The following DLGAP2 variants were observed in gnomAD, a reference collection of about 807,000 sequenced individuals.
The protein encoded by DLGAP2 is disks large-associated protein 2.
In DLGAP2, 26 loss-of-function variants were observed where a neutral mutation model predicts 100.3. The observed-to-expected ratio is 0.26, with a 90% CI of 0.19 to 0.36. DLGAP2 has a LOEUF of 0.36. Among genes scored for constraint, DLGAP2 ranks in the 10% least tolerant of loss-of-function variants. The probability of loss-of-function intolerance (pLI) is 1.00; values close to 1 mark genes in which losing one functional copy is unlikely to be tolerated. For missense variants in DLGAP2, 1,858 were observed against 1,453.2 expected, an observed-to-expected ratio of 1.28 and a Z score of -4.53; for synonymous variants, 886 against 630.1, an observed-to-expected ratio of 1.41 and a Z score of -6.08.
At chr8:764,433 G>T (rs913825243) in intron 1 of DLGAP2, among the ~76,000 whole-genome samples, 1 of 152,064 alleles carries the variant, frequency 6.6e-6, no homozygotes, top group Non-Finnish European at 1.5e-5. Context: ...TATATACTTT[G>T]TCACTTCGCT....
At chr8:1,494,452 G>A (rs1390228718) in intron 3 of DLGAP2, among the ~76,000 whole-genome samples, 1 of 152,192 alleles carries the variant, frequency 6.6e-6, no homozygotes, top group African/African-American at 2.4e-5. Context: ...GGCCACTTGG[G>A]CAGGTGCGGT....
chr8:1,063,954 G>T (rs1014574826), intron 2 of DLGAP2, among the ~76,000 whole-genome samples: 35 of 152,246 alleles, frequency 2.3e-4, no homozygotes, highest in African/African-American at 7.7e-4. Context: ...GCTGGCCTCC[G>T]CAGCCAGGGT....
chr8:995,533 C>G (rs566287488), intron 2 of DLGAP2, among the ~76,000 whole-genome samples: 1 of 152,254 alleles, frequency 6.6e-6, no homozygotes, highest in South Asian at 2.1e-4. Context: ...ATATGCATAA[C>G]CATAGCCCTT....
chr8:982,846 A>G (rs148039219), intron 2 of DLGAP2, among the ~76,000 whole-genome samples: 1,772 of 131,610 alleles, frequency 0.013, 9 homozygotes, highest in Non-Finnish European at 0.02. Context: ...TTCATTTTTT[A>G]TCTGCTTTAA....
chr8:1,470,355 G>T (rs1197628552), intron 3 of DLGAP2, among the ~76,000 whole-genome samples: 2 of 152,158 alleles, frequency 1.3e-5, no homozygotes, highest in Non-Finnish European at 2.9e-5. Context: ...GAGCCCCGCT[G>T]GTTCCTTACA....
At chr8:1,623,732 C>G (rs1797417419) in intron 6 of DLGAP2, among the ~76,000 whole-genome samples, 1 of 152,230 alleles carries the variant, frequency 6.6e-6, no homozygotes, top group Non-Finnish European at 1.5e-5. Flanking sequence ...ATGCTGCATT[C>G]ATAGGAGGAA....
chr8:1,261,288 A>T (rs145423713), intron 3 of DLGAP2, among the ~76,000 whole-genome samples: 3 of 150,844 alleles, frequency 2.0e-5, no homozygotes, highest in African/African-American at 7.3e-5. Flanking sequence ...CAGATTCCAG[A>T]TATATAAAAT....
At chr8:1,075,566 A>G (rs967812000) in intron 2 of DLGAP2, among the ~76,000 whole-genome samples, 1 of 152,170 alleles carries the variant, frequency 6.6e-6, no homozygotes, top group Admixed American at 6.5e-5. Context: ...AAAGCTCTGC[A>G]CACAAGTGAA....
At chr8:1,537,985 G>C (rs948807114) in intron 4 of DLGAP2, among the ~76,000 whole-genome samples, 9 of 152,124 alleles carry the variant, frequency 5.9e-5, no homozygotes, top group African/African-American at 2.4e-5. Flanking sequence ...AGATACTGCG[G>C]GGGGAACAGA....
intron 3 of DLGAP2, among the ~76,000 whole-genome samples, chr8:1,355,263 G>T (rs1350377684): frequency 1.3e-5 from 2 of 152,276 alleles, no homozygotes; most frequent in Non-Finnish European, 2.9e-5. Flanking sequence ...CACAGGCAGA[G>T]AGCACCTGTG....
intron 2 of DLGAP2, among the ~76,000 whole-genome samples, chr8:1,067,837 C>G (rs939514451): frequency 6.6e-6 from 1 of 151,948 alleles, no homozygotes; most frequent in African/African-American, 2.4e-5. Context: ...TTCACCTCGG[C>G]TCACTCTTGG....
intron 2 of DLGAP2, among the ~76,000 whole-genome samples, chr8:938,595 A>G (rs1307252373): frequency 6.6e-6 from 1 of 152,198 alleles, no homozygotes; most frequent in Non-Finnish European, 1.5e-5. Context: ...GCAGTTCCTT[A>G]TTCCTGACTG....
At chr8:753,411 A>T (rs542068241) in intron 1 of DLGAP2, 1 of 152,342 alleles carries the variant, frequency 6.6e-6, no homozygotes, top group South Asian at 2.1e-4. Context: ...TAGGAAGAAT[A>T]AGGGCCTTGA....
chr8:892,003 G>A (rs1428590362), intron 1 of DLGAP2, among the ~76,000 whole-genome samples: 1 of 152,244 alleles, frequency 6.6e-6, no homozygotes, highest in Non-Finnish European at 1.5e-5. Flanking sequence ...TCAGTGCCGA[G>A]AAAGCCCCTT....
chr8:1,607,236 A>G (rs1211677236), intron 6 of DLGAP2, among the ~76,000 whole-genome samples: 1 of 152,214 alleles, frequency 6.6e-6, no homozygotes, highest in Non-Finnish European at 1.5e-5. Flanking sequence ...AATCTGACTT[A>G]TATTCTTTAA....
chr8:1,547,895 G>A (rs1024773017), intron 4 of DLGAP2, among the ~76,000 whole-genome samples: 8 of 152,286 alleles, frequency 5.3e-5, no homozygotes, highest in Admixed American at 1.3e-4. Context: ...ACGATTTCAC[G>A]ATTAATACCT....
chr8:958,389 C>G (rs1442033880), intron 2 of DLGAP2, among the ~76,000 whole-genome samples: 1 of 152,090 alleles, frequency 6.6e-6, no homozygotes, highest in Admixed American at 6.5e-5. Context: ...TCCCAGTCTT[C>G]CCCTCCGTTG....
chr8:1,410,062 A>G (rs936697269), intron 3 of DLGAP2, among the ~76,000 whole-genome samples: 16 of 152,112 alleles, frequency 1.1e-4, no homozygotes, highest in African/African-American at 2.2e-4. Context: ...TAACTGAGAA[A>G]TGGTGTCAGG....
intron 5 of DLGAP2, among the ~76,000 whole-genome samples, chr8:1,564,172 G>A (rs1802301660): frequency 6.6e-6 from 1 of 152,150 alleles, no homozygotes; most frequent in Non-Finnish European, 1.5e-5. Context: ...GACCTATGGA[G>A]TGAACTTTAC....
Sources: allele counts gnomAD v4.1 joint callset (sites outside exome capture counted in the v4.1 genomes callset), GRCh38; gene constraint gnomAD v4.1.1; transcripts MANE v1.5; gene names NCBI Gene and HGNC (gene_info 2026-07-23, HGNC 2026-07-21).